GOLGA1: variants seen among roughly 807,000 people sequenced by gnomAD.
The protein encoded by GOLGA1 is golgin subfamily A member 1.
GOLGA1 carries 63 observed loss-of-function variants against 119.7 expected under a neutral mutation model. That is an observed-to-expected ratio of 0.53 (90% CI 0.43 to 0.65). The LOEUF (loss-of-function observed/expected upper bound fraction) is 0.65, where lower values mean the gene tolerates loss of function less well. Among genes scored for constraint, GOLGA1 ranks in the 30% least tolerant of loss-of-function variants. The pLI is 0.00. For synonymous variants in GOLGA1, 318 were observed against 333.4 expected (o/e 0.95, Z 0.50); for missense variants, 798 against 912.8 (o/e 0.87, Z 1.62).
At chr9:124,935,461 A>C (rs1488409960) in intron 3 of GOLGA1, among the ~76,000 whole-genome samples, 1 of 152,192 alleles carries the variant, frequency 6.6e-6, no homozygotes, top group Non-Finnish European at 1.5e-5. Context: ...AGGGATGCTT[A>C]ACCTCTGCTA....
At chr9:124,916,877 C>CACACAAAAAAAAAAAAAAAAA (rs1359322100) in intron 10 of GOLGA1, among the ~76,000 whole-genome samples, 1 of 41,214 alleles carries the variant, frequency 2.4e-5, no homozygotes, top group Non-Finnish European at 4.1e-5. Context: ...CCCTGACACA[C>CACACAAAAAAAAAAAAAAAAA]AAAAAAAAAA....
Position 124,921,619 on chromosome 9 carries a change from C to T in GOLGA1, c.731+104G>A, listed in dbSNP as rs150251306. On this transcript the variant is annotated intron_variant, in intron 9 of 22. Coordinates refer to ENST00000373555, the MANE Select transcript of GOLGA1 (RefSeq NM_002077.4). ...TGTGTCCAGAAGCCTTTGCCAGCAC[C>T]GGAATCAGAAAGTGGTGTAATGAAC... 5,855 of 916,762 alleles carry T rather than the reference C, an allele frequency of 6.4e-3. 74 individuals are homozygous for T. The highest frequency in any genetic ancestry group is 0.032 in the South Asian group (2,004 of 62,654). The allele number at this position is 916,762 out of a possible 1,614,324, so 56.8% of individuals were successfully genotyped here.
intron 16 of GOLGA1, 31 bp from the exon 17 acceptor site, chr9:124,889,567 T>C (rs1588059349): frequency 5.9e-6 from 8 of 1,361,802 alleles, no homozygotes; most frequent in Non-Finnish European, 7.4e-6. Context: ...AGAGGGAAGG[T>C]TGTGAGCAGT....
Position 124,890,382 on chromosome 9 carries a change from G to A in GOLGA1, c.1497+7C>T. ...GACATCGCCCCTCAGCGTGAAACAG[G>A]GCCCACCTGTTGCTGGAACTCTTCC... On this transcript the variant is annotated splice_region_variant and intron_variant, in intron 16 of 22. Coordinates refer to ENST00000373555, the MANE Select transcript of GOLGA1 (RefSeq NM_002077.4). 6.3e-7 allele frequency: 1 copy of A among 1,597,026 alleles called. No individual in the cohort carries two copies. The highest frequency in any genetic ancestry group is 1.1e-5 in the South Asian group (1 of 90,718).
At chr9:124,930,801 T>G (rs974490177) in intron 4 of GOLGA1, among the ~76,000 whole-genome samples, 2 of 152,224 alleles carry the variant, frequency 1.3e-5, no homozygotes, top group Non-Finnish European at 2.9e-5. Flanking sequence ...AATTGTAAAC[T>G]GCAGACAAAA....
chr9:124,936,927 A>AT (rs1261029599), intron 3 of GOLGA1, among the ~76,000 whole-genome samples: 8 of 152,260 alleles, frequency 5.3e-5, no homozygotes, highest in Admixed American at 2.0e-4. Context: ...GAATACATAC[A>AT]TATCTGGTAA....
At chr9:124,885,360 C>G (rs1369970711) in intron 19 of GOLGA1, among the ~76,000 whole-genome samples, 17 of 151,130 alleles carry the variant, frequency 1.1e-4, no homozygotes, top group Admixed American at 1.1e-3. Flanking sequence ...TCGTGGGCAC[C>G]TGTAATCACA....
chr9:124,902,104 G>T (rs1259352049), intron 12 of GOLGA1, among the ~76,000 whole-genome samples: 2 of 152,122 alleles, frequency 1.3e-5, no homozygotes, highest in Admixed American at 6.5e-5. Flanking sequence ...GCCTTGGGGA[G>T]CTTTATTATT....
chr9:124,944,075 C>G (rs1186125723), upstream of GOLGA1: 1 of 152,126 alleles, frequency 6.6e-6, no homozygotes, highest in Non-Finnish European at 1.5e-5. Flanking sequence ...CATCCAAAAT[C>G]TAAAGGTTTC....
Position 124,912,520 on chromosome 9 carries a change from C to A in GOLGA1, c.844-494G>T, listed in dbSNP as rs540683064. On this transcript the variant is annotated intron_variant, in intron 10 of 22. Coordinates refer to ENST00000373555, the MANE Select transcript of GOLGA1 (RefSeq NM_002077.4). ...TTCTCATACCTTGGCTTTAGACCAA[C>A]AGCTGCCCGTTTTATTTCAATCTAT... 3.3e-5 allele frequency among the ~76,000 whole-genome samples: 5 copies of A among 152,314 alleles called. No homozygotes were observed. In the East Asian group the frequency reaches 9.6e-4, roughly 29 times the overall value.
intron 3 of GOLGA1, 28 bp downstream of exon 3, chr9:124,938,549 T>A (rs779345958): frequency 6.4e-7 from 1 of 1,566,916 alleles, no homozygotes; most frequent in Non-Finnish European, 8.7e-7. Context: ...TGCAAAAGTA[T>A]CTTTATTTCT....
chr9:124,901,428 G>A (rs146932525), intron 12 of GOLGA1, among the ~76,000 whole-genome samples: 4,341 of 143,884 alleles, frequency 0.03, 223 homozygotes, highest in African/African-American at 0.1. Flanking sequence ...ACGCCACCAC[G>A]CCCAGCTATT....
At chr9:124,917,475 C>T (rs151007862) in intron 10 of GOLGA1, among the ~76,000 whole-genome samples, 2 of 152,228 alleles carry the variant, frequency 1.3e-5, no homozygotes, top group African/African-American at 4.8e-5. Flanking sequence ...TCCTGTCCTC[C>T]CATATCTATT....
Position 124,881,834 on chromosome 9 carries a change from CAA to C in GOLGA1, c.2084_2085del (p.Phe695Ter). 1 of 1,613,256 alleles carries C rather than the reference CAA, an allele frequency of 6.2e-7. No individual in the cohort carries two copies. The highest frequency in any genetic ancestry group is 8.5e-7 in the Non-Finnish European group (1 of 1,179,572). The stretch of plus-strand genomic sequence containing the variant: ...TTTAAAACCACATGTTTAAGGTACT[CAA>C]AGTTGATCTCGCGGGCATCTGTCAG... ...TDLTDAREIN[F>X]EYLKHVVLKF... On this transcript the variant is annotated frameshift_variant, in exon 21 of 23. Transcript: ENST00000373555. LOFTEE classifies it high-confidence loss of function. This position sits in a 1 kb window ranked among gnomAD's most constrained non-coding sequence, Gnocchi z 4.9.
At chr9:124,909,653 C>G (rs1830303931) in intron 11 of GOLGA1, among the ~76,000 whole-genome samples, 1 of 150,936 alleles carries the variant, frequency 6.6e-6, no homozygotes, top group South Asian at 2.1e-4. Context: ...GCTGAGATAG[C>G]TGTTACTGAG....
In GOLGA1 at chr9:124,880,510, C is replaced by G. The variant is rs143156667; in HGVS notation, c.*20G>C. The G allele has an allele frequency of 1.4e-6, 2 of 1,414,380 alleles. No homozygotes were observed. The highest frequency in any genetic ancestry group is 1.7e-5 in the Admixed American group (1 of 59,780). The allele number at this position is 1,414,380 out of a possible 1,614,324, so 87.6% of individuals were successfully genotyped here. On this transcript the variant is annotated 3_prime_UTR_variant, in exon 23 of 23. Transcript: ENST00000373555. ...AGAAAAAGTGTCAACCCACGGAGCT[C>G]CATCCTTGGGTAGTCCCCTCTAGGA...
chr9:124,938,469 T>G (rs1207963213), intron 3 of GOLGA1, 108 bp downstream of exon 3: 1 of 919,010 alleles, frequency 1.1e-6, no homozygotes. Context: ...GTACAGGCTC[T>G]TGTACAGCTA....
chr9:124,926,874 A>T (rs1588092511), intron 6 of GOLGA1, 133 bp from the exon 7 acceptor site: 1 of 576,134 alleles, frequency 1.7e-6, no homozygotes, highest in East Asian at 3.0e-5. Context: ...CAATTAAAAA[A>T]AAATCTATAA....
Position 124,904,426 on chromosome 9 carries a change from A to T in GOLGA1, c.1066-3879T>A, listed in dbSNP as rs376419728. ...CAGAAACAGAATTGAAATTATAATA[A>T]AACAGTCTTTTCAGAAAAATATAGT... On this transcript the variant is annotated intron_variant, in intron 12 of 22. Transcript: ENST00000373555. 4.6e-5 allele frequency among the ~76,000 whole-genome samples: 7 copies of T among 152,362 alleles called. No homozygotes were observed. In the East Asian group the frequency reaches 5.8e-4, roughly 13 times the overall value.
Sources: allele counts gnomAD v4.1 joint callset (sites outside exome capture counted in the v4.1 genomes callset), GRCh38; gene constraint gnomAD v4.1.1; non-coding constraint Gnocchi (gnomAD v3.1); transcripts MANE v1.5; gene names NCBI Gene and HGNC (gene_info 2026-07-23, HGNC 2026-07-21).